The following PDE1C variants were observed in gnomAD, a reference collection of about 807,000 sequenced individuals.
PDE1C encodes phosphodiesterase 1C.
PDE1C carries 62 observed loss-of-function variants against 93.1 expected under a neutral mutation model. The ratio of observed to expected loss-of-function variants is 0.67; its 90% CI spans 0.54 to 0.82. PDE1C has a LOEUF of 0.82. Among genes scored for constraint, PDE1C ranks in the 40% least tolerant of loss-of-function variants. The pLI is 0.00. For missense variants in PDE1C, 742 were observed against 884.6 expected, an observed-to-expected ratio of 0.84 and a Z score of 2.04; for synonymous variants, 325 against 310.1, an observed-to-expected ratio of 1.05 and a Z score of -0.50.
At chr7:31,866,122 T>G (rs1438131799) in intron 6 of PDE1C, among the ~76,000 whole-genome samples, 1 of 152,160 alleles carries the variant, frequency 6.6e-6, no homozygotes, top group Non-Finnish European at 1.5e-5. Context: ...TCTGGATCCA[T>G]TCCATGGTTC....
chr7:31,670,473 C>T, the PDE1C span, among the ~76,000 whole-genome samples: 1 of 152,138 alleles, frequency 6.6e-6, no homozygotes, highest in African/African-American at 2.4e-5. Flanking sequence ...CAGGTTCTAC[C>T]CTTCATAATC....
chr7:31,631,765 A>G, the PDE1C span, among the ~76,000 whole-genome samples: 1 of 152,212 alleles, frequency 6.6e-6, no homozygotes, highest in African/African-American at 2.4e-5. Flanking sequence ...GAAGTAATTC[A>G]AATGTTACGT....
intron 3 of PDE1C, among the ~76,000 whole-genome samples, chr7:32,091,438 A>G (rs10951318): frequency 0.63 from 95,699 of 152,036 alleles, 30,431 homozygotes; most frequent in African/African-American, 0.71. Context: ...GGAAGGACAC[A>G]TTGCAATATT....
At chr7:32,058,473 T>C (rs1794391693) in intron 1 of PDE1C, among the ~76,000 whole-genome samples, 1 of 152,200 alleles carries the variant, frequency 6.6e-6, no homozygotes, top group South Asian at 2.1e-4. Flanking sequence ...TGAGTGAGGA[T>C]CTGAACGATC....
chr7:32,361,572 G>T (rs1308987520), intron 1 of PDE1C, among the ~76,000 whole-genome samples: 2 of 152,142 alleles, frequency 1.3e-5, no homozygotes, highest in African/African-American at 4.8e-5. Flanking sequence ...GCCCACCACT[G>T]GGCCTTTGCT....
intron 2 of PDE1C, among the ~76,000 whole-genome samples, chr7:31,904,361 A>C (rs1430473215): frequency 4.7e-5 from 7 of 148,298 alleles, no homozygotes; most frequent in Non-Finnish European, 9.0e-5. Flanking sequence ...CACCCAAAAT[A>C]AAAAAAAAAT....
chr7:32,354,453 C>T (rs1031884895), intron 1 of PDE1C, among the ~76,000 whole-genome samples: 15 of 152,030 alleles, frequency 9.9e-5, no homozygotes, highest in African/African-American at 1.7e-4. Context: ...ATAGTGGGAC[C>T]CTGTCTCACA....
At chr7:32,247,910 G>T (rs1016738537) in intron 1 of PDE1C, among the ~76,000 whole-genome samples, 1 of 152,082 alleles carries the variant, frequency 6.6e-6, no homozygotes, top group Admixed American at 6.5e-5. Context: ...AGTACAATGG[G>T]CATCTGTACT....
chr7:32,227,198 G>A (rs1807349939), intron 1 of PDE1C, among the ~76,000 whole-genome samples: 1 of 152,114 alleles, frequency 6.6e-6, no homozygotes, highest in Non-Finnish European at 1.5e-5. Context: ...CACAGTTTGG[G>A]GAGAAGTTAT....
intron 3 of PDE1C, among the ~76,000 whole-genome samples, chr7:32,104,418 T>C (rs2128751649): frequency 6.6e-6 from 1 of 152,310 alleles, no homozygotes; most frequent in Non-Finnish European, 1.5e-5. Context: ...CTAGCTAAAA[T>C]TTCAAACAAA....
chr7:31,998,384 C>T (rs1197441168), intron 2 of PDE1C, among the ~76,000 whole-genome samples: 1 of 152,140 alleles, frequency 6.6e-6, no homozygotes, highest in East Asian at 1.9e-4. Flanking sequence ...TTATTGGATG[C>T]ATTAGTAAAT....
At chr7:31,962,653 T>C (rs1295005859) in intron 2 of PDE1C, among the ~76,000 whole-genome samples, 1 of 152,116 alleles carries the variant, frequency 6.6e-6, no homozygotes, top group Non-Finnish European at 1.5e-5. Flanking sequence ...TTATTTTCAG[T>C]AAGTCATAGA....
the PDE1C span, among the ~76,000 whole-genome samples, chr7:31,641,905 CA>C: frequency 6.6e-6 from 1 of 152,138 alleles, no homozygotes; most frequent in African/African-American, 2.4e-5. Flanking sequence ...ATCTCACAAC[CA>C]TATTGTTATT....
chr7:31,625,686 TGG>T, the PDE1C span, among the ~76,000 whole-genome samples: 1 of 152,252 alleles, frequency 6.6e-6, no homozygotes, highest in East Asian at 1.9e-4. Context: ...GACGAGTTAG[TGG>T]GTGCAGCGCA....
intron 1 of PDE1C, among the ~76,000 whole-genome samples, chr7:32,219,297 T>G (rs1265007813): frequency 1.3e-5 from 2 of 152,146 alleles, no homozygotes; most frequent in African/African-American, 4.8e-5. Flanking sequence ...AGGGGTGTGG[T>G]GCATTCTAGG....
At chr7:31,915,244 C>T (rs984551793) in intron 2 of PDE1C, among the ~76,000 whole-genome samples, 11 of 152,146 alleles carry the variant, frequency 7.2e-5, no homozygotes, top group African/African-American at 2.7e-4. Flanking sequence ...CTGTGCTTTC[C>T]TATCCCAATC....
intron 1 of PDE1C, among the ~76,000 whole-genome samples, chr7:32,392,701 CTCAA>C (rs1455811698): frequency 6.6e-6 from 1 of 152,116 alleles, no homozygotes; most frequent in African/African-American, 2.4e-5. Flanking sequence ...ACATGATCAT[CTCAA>C]TCAATGCAGA....
At chr7:32,087,137 A>T (rs761057444) in intron 3 of PDE1C, among the ~76,000 whole-genome samples, 15 of 152,184 alleles carry the variant, frequency 9.9e-5, no homozygotes, top group African/African-American at 2.4e-4. Context: ...GAATCTACAA[A>T]GAACTCAAAC....
intron 2 of PDE1C, among the ~76,000 whole-genome samples, chr7:31,964,624 G>C (rs548147896): frequency 1.3e-5 from 2 of 152,206 alleles, no homozygotes; most frequent in East Asian, 1.9e-4. Flanking sequence ...CTCCCAGCAC[G>C]CAGCTGGAGA....
Sources: allele counts gnomAD v4.1 joint callset (sites outside exome capture counted in the v4.1 genomes callset), GRCh38; gene constraint gnomAD v4.1.1; transcripts MANE v1.5; gene names NCBI Gene and HGNC (gene_info 2026-07-23, HGNC 2026-07-21).